The following SPATA16 variants were observed in gnomAD, a reference collection of about 807,000 sequenced individuals.
The protein encoded by SPATA16 is spermatogenesis associated 16, also known as spermatogenesis-associated protein 16.
In SPATA16, 36 loss-of-function variants were observed where a neutral mutation model predicts 63.3. The observed-to-expected ratio is 0.57, with a 90% confidence interval of 0.44 to 0.75. The LOEUF (loss-of-function observed/expected upper bound fraction) is 0.75. SPATA16 is among the 30% of genes least tolerant of loss of function. The pLI is 0.00. For missense variants in SPATA16, 646 were observed against 679.3 expected, an observed-to-expected ratio of 0.95 and a Z score of 0.54; for synonymous variants, 203 against 216.7, an observed-to-expected ratio of 0.94 and a Z score of 0.56.
chr3:172,924,620 T>TG (rs1346190022), intron 7 of SPATA16, among the ~76,000 whole-genome samples: 1 of 152,188 alleles, frequency 6.6e-6, no homozygotes, highest in Non-Finnish European at 1.5e-5. Flanking sequence ...TCCTGAGTTG[T>TG]GAAAAAATGC....
chr3:173,038,053 G>A (rs995717705), intron 3 of SPATA16, among the ~76,000 whole-genome samples: 1 of 152,044 alleles, frequency 6.6e-6, no homozygotes, highest in Non-Finnish European at 1.5e-5. Context: ...CTCTTCAAAG[G>A]TAAACTACTA....
At chr3:173,006,480 A>G (rs996260033) in intron 4 of SPATA16, among the ~76,000 whole-genome samples, 8 of 152,268 alleles carry the variant, frequency 5.3e-5, no homozygotes, top group Admixed American at 5.2e-4. Flanking sequence ...AGAATCTTGC[A>G]TGATGAATGA....
At chr3:173,088,040 T>A (rs1328737436) in intron 2 of SPATA16, among the ~76,000 whole-genome samples, 71 of 140,812 alleles carry the variant, frequency 5.0e-4, no homozygotes, top group African/African-American at 1.8e-3. Context: ...CTTTCTTTCT[T>A]TCTTTCTTTC....
At chr3:173,125,559 C>T (rs539504015) in intron 1 of SPATA16, among the ~76,000 whole-genome samples, 1 of 152,330 alleles carries the variant, frequency 6.6e-6, no homozygotes, top group South Asian at 2.1e-4. Context: ...CAAGTTCATT[C>T]CCAACTCAGA....
intron 3 of SPATA16, among the ~76,000 whole-genome samples, chr3:173,023,855 A>T (rs1272242377): frequency 1.3e-5 from 2 of 151,486 alleles, no homozygotes; most frequent in Admixed American, 1.3e-4. Context: ...ATGTATATGC[A>T]CACACATATT....
intron 4 of SPATA16, among the ~76,000 whole-genome samples, chr3:173,010,472 T>TGTGTGTGTG (rs1281653533): frequency 3.4e-4 from 35 of 103,742 alleles, no homozygotes; most frequent in African/African-American, 1.6e-3. Flanking sequence ...GTGTGTGTGT[T>TGTGTGTGTG]TGTTTTTGTT....
intron 2 of SPATA16, among the ~76,000 whole-genome samples, chr3:173,116,153 A>G (rs142460827): frequency 6.6e-6 from 1 of 152,226 alleles, no homozygotes; most frequent in East Asian, 1.9e-4. Flanking sequence ...TGGCTTCCCA[A>G]AGTGCTGGGA....
intron 1 of SPATA16, among the ~76,000 whole-genome samples, 198 bp downstream of exon 1, chr3:173,140,905 T>G (rs1235214595): frequency 6.6e-6 from 1 of 152,204 alleles, no homozygotes; most frequent in East Asian, 1.9e-4. Context: ...TCTAACTGCC[T>G]GCAGGAGATG....
chr3:173,140,484 A>C (rs577274982), intron 1 of SPATA16, among the ~76,000 whole-genome samples: 27 of 152,216 alleles, frequency 1.8e-4, no homozygotes, highest in Non-Finnish European at 3.5e-4. Flanking sequence ...CATACAGCAA[A>C]CATTTCAGAG....
intron 2 of SPATA16, among the ~76,000 whole-genome samples, chr3:173,104,151 G>A (rs1372854718): frequency 6.6e-6 from 1 of 152,152 alleles, no homozygotes; most frequent in African/African-American, 2.4e-5. Flanking sequence ...TCATCAGGCT[G>A]GACTTCACTG....
intron 2 of SPATA16, 75 bp from the exon 3 acceptor site, chr3:173,049,169 GTA>G: frequency 1.4e-6 from 2 of 1,463,136 alleles, no homozygotes. Flanking sequence ...CAAAACATGT[GTA>G]TGTTTTATTT....
intron 1 of SPATA16, among the ~76,000 whole-genome samples, chr3:173,140,691 T>C (rs539680992): frequency 6.6e-6 from 1 of 152,328 alleles, no homozygotes; most frequent in African/African-American, 2.4e-5. Flanking sequence ...GAATTAGCAG[T>C]CATCATCTCC....
chr3:172,915,612 G>T (rs1320061583), intron 9 of SPATA16, among the ~76,000 whole-genome samples: 7 of 152,068 alleles, frequency 4.6e-5, no homozygotes, highest in African/African-American at 1.7e-4. Context: ...TTAGTAAACT[G>T]TTTTTCAAAT....
chr3:172,915,750 G>C (rs1732469182), intron 9 of SPATA16, among the ~76,000 whole-genome samples: 1 of 152,012 alleles, frequency 6.6e-6, no homozygotes, highest in African/African-American at 2.4e-5. Context: ...CTGGTTTTCT[G>C]AATAAACTCA....
At chr3:173,105,043 C>T (rs116023160) in intron 2 of SPATA16, among the ~76,000 whole-genome samples, 129 of 152,256 alleles carry the variant, frequency 8.5e-4, no homozygotes, top group African/African-American at 2.9e-3. Flanking sequence ...ACCAGTTTTC[C>T]CTGGATTACA....
chr3:173,013,874 G>C (rs1735124257), intron 4 of SPATA16, among the ~76,000 whole-genome samples: 1 of 152,186 alleles, frequency 6.6e-6, no homozygotes, highest in Admixed American at 6.5e-5. Flanking sequence ...TAGGTTGAGG[G>C]AGTGCTGGGA....
intron 2 of SPATA16, among the ~76,000 whole-genome samples, chr3:173,115,107 A>G (rs1737859831): frequency 6.6e-6 from 1 of 152,186 alleles, no homozygotes; most frequent in Non-Finnish European, 1.5e-5. Context: ...GTAGCGGGGA[A>G]GGAGAGAGAG....
rs577296585 is a variant in SPATA16, at chr3:172,897,944, C to T, written c.1588-8252G>A. On this transcript the variant is annotated intron_variant, in intron 10 of 10. Transcript: ENST00000351008. ...GAGGTTCCTCTTTATCCCTAGTTTT[C>T]TGAGTATTTTTTAAATCATAAATGA... 7.2e-5 allele frequency among the ~76,000 whole-genome samples: 11 copies of T among 152,038 alleles called. No homozygotes were observed. In the East Asian group the frequency reaches 2.1e-3, roughly 29 times the overall value.
At position 173,111,533 on chromosome 3, in the gene SPATA16, G is replaced by C. The variant is rs574955919; in HGVS notation, c.612+5587C>G. On this transcript the variant is annotated intron_variant, in intron 2 of 10. Transcript: ENST00000351008. ...ACAGCTCAGGCACTCAGAGAATTTGGTGAACCCCCAAATTTCTGATTATGT... is the reference window on the plus strand; with the variant it reads ...ACAGCTCAGGCACTCAGAGAATTTGCTGAACCCCCAAATTTCTGATTATGT... Among the ~76,000 whole-genome samples the C allele has an allele frequency of 2.6e-5, 4 of 152,272 alleles. No homozygotes were observed. The South Asian group carries it at 6.2e-4, about 24-fold the overall frequency.
Sources: allele counts gnomAD v4.1 joint callset (sites outside exome capture counted in the v4.1 genomes callset), GRCh38; gene constraint gnomAD v4.1.1; transcripts MANE v1.5; gene names NCBI Gene and HGNC (gene_info 2026-07-23, HGNC 2026-07-21).